The following SGSH variants were observed in gnomAD, a reference collection of about 807,000 sequenced individuals.
The protein encoded by SGSH is N-sulfoglucosamine sulfohydrolase, also known as heparan sulfate sulfatase.
A neutral mutation model predicts 51.0 loss-of-function variants in SGSH; 48 were observed. That is an observed-to-expected ratio of 0.94 (90% confidence interval 0.75 to 1.20). The LOEUF (loss-of-function observed/expected upper bound fraction) is 1.20. Ranked by LOEUF, SGSH falls within the 50% of genes most tolerant of loss-of-function variation. The pLI, the probability that SGSH is intolerant of heterozygous loss-of-function variation, is 0.00. For missense variants in SGSH, 662 were observed against 717.8 expected, an observed-to-expected ratio of 0.92 and a Z score of 0.89; for synonymous variants, 321 against 313.4, an observed-to-expected ratio of 1.02 and a Z score of -0.26.
Position 80,215,068 on chromosome 17 carries a change from A to G in SGSH, c.320T>C (p.Leu107Pro). 1 of 1,612,110 alleles carries G rather than the reference A, an allele frequency of 6.2e-7. No individual in the cohort carries two copies. Residue 107 changes from leucine (L) to proline (P), a missense_variant, in exon 3 of 8, where the codon CTG (leucine) becomes CCG (proline). Transcript: ENST00000326317. ...ACCAGCTTGGCTGAGCAGCAGCGGC[A>G]GGCTCCGCACCTTGTCGAAGGAGTT... ...HFNSFDKVRS[L>P]PLLLSQAGVR...
Position 80,210,121 on chromosome 17 carries a change from G to A in SGSH, c.*331C>T. 1 of 1,214,200 alleles carries A rather than the reference G, an allele frequency of 8.2e-7. No homozygotes were observed. Among genetic ancestry groups the A allele is most frequent in the Non-Finnish European group, 1.0e-6 (1 of 967,800 alleles). 75.2% of individuals were successfully genotyped at this position (1,214,200 alleles called of 1,614,324 possible). On this transcript the variant is annotated 3_prime_UTR_variant, in exon 8 of 8. Coordinates refer to ENST00000326317, the MANE Select transcript of SGSH (RefSeq NM_000199.5). ...CCAAGCCAGAAAACAAGACTCCCTT[G>A]TCATGGGCTGGGGGCGCTGCCCTGT...
chr17:80,201,664 A>T, the SGSH span: 1 of 1,515,268 alleles, frequency 6.6e-7, no homozygotes, highest in Non-Finnish European at 9.1e-7. This position sits in a 1 kb window ranked among gnomAD's most constrained non-coding sequence, Gnocchi z 5.0. Context: ...GCCTCGCCTC[A>T]GTGCCCTCAG....
At chr17:80,214,989 T>C (rs772930237) in intron 3 of SGSH, 44 bp downstream of exon 3, 1 of 1,544,852 alleles carries the variant, frequency 6.5e-7, no homozygotes, top group Non-Finnish European at 8.9e-7. Context: ...TGGCCTGGCC[T>C]CTGTGCCTCA....
chr17:80,204,575 G>A (rs916171738), downstream of SGSH: 1 of 440,262 alleles, frequency 2.3e-6, no homozygotes, highest in Admixed American at 3.7e-5. Context: ...AGTGAGCCGA[G>A]ATGGTGCCAT....
At chr17:80,204,718 C>A, downstream of SGSH, 1 of 407,740 alleles carries the variant, frequency 2.5e-6, no homozygotes, top group Non-Finnish European at 4.4e-6. Context: ...GGGTGCCACT[C>A]TCCCAGATCC....
At chr17:80,203,761 T>A, downstream of SGSH, 1 of 1,371,764 alleles carries the variant, frequency 7.3e-7, no homozygotes, top group Non-Finnish European at 1.0e-6. This position sits in a 1 kb window ranked among gnomAD's most constrained non-coding sequence, Gnocchi z 4.6. Flanking sequence ...TGCTCGGCTC[T>A]CCCCTGCCCT....
chr17:80,207,394 T>C (rs2041388157), downstream of SGSH, among the ~76,000 whole-genome samples: 1 of 152,032 alleles, frequency 6.6e-6, no homozygotes, highest in African/African-American at 2.4e-5. Flanking sequence ...CTATTAAAAA[T>C]ACAAAAACTA....
chr17:80,205,542 C>T, downstream of SGSH: 2 of 1,586,446 alleles, frequency 1.3e-6, no homozygotes, highest in Non-Finnish European at 1.7e-6. Flanking sequence ...GTACTTGAGC[C>T]AGGAGGAGTA....
At chr17:80,208,714 G>A (rs1395246253), downstream of SGSH, 1 of 202,310 alleles carries the variant, frequency 4.9e-6, no homozygotes, top group African/African-American at 2.3e-5. Context: ...TCAAATCTAT[G>A]GGGGCTGCAC....
rs773974826 is a variant in SGSH at position 80,217,249 on chromosome 17, C to T, written c.89-57G>A. 5 of 1,559,926 alleles carry T rather than the reference C, an allele frequency of 3.2e-6. No individual in the cohort carries two copies. In the African/African-American group the frequency reaches 6.7e-5, roughly 21 times the overall value. On this transcript the variant is annotated intron_variant, in intron 1 of 7. Coordinates refer to ENST00000326317, the MANE Select transcript of SGSH (RefSeq NM_000199.5). ...TCGGCTGCGGTCACGAGAAACAGCA[C>T]TGGGAGTGAGGGAGGCTGGGACTGT...
At chr17:80,205,109 G>C, downstream of SGSH, 1 of 1,613,542 alleles carries the variant, frequency 6.2e-7, no homozygotes, top group East Asian at 2.2e-5. Flanking sequence ...CCATCGACCC[G>C]CCCGGCCCCG....
At chr17:80,206,823 C>T (rs116354481), downstream of SGSH, 790 of 457,236 alleles carry the variant, frequency 1.7e-3, 4 homozygotes, top group African/African-American at 0.014. Flanking sequence ...AGCTCTATTC[C>T]CTCATCTCCT....
At chr17:80,215,234 T>C (rs1270203289) in intron 2 of SGSH, 96 bp from the exon 3 acceptor site, 1 of 865,638 alleles carries the variant, frequency 1.2e-6, no homozygotes, top group African/African-American at 1.7e-5. Flanking sequence ...CCAGGGGCCT[T>C]CTCGGGGCCC....
chr17:80,212,235 A>T lies in SGSH; in HGVS notation c.785T>A (p.Val262Asp). 1.9e-6 allele frequency: 3 copies of T among 1,612,894 alleles called. No homozygotes were observed. Among genetic ancestry groups the T allele is most frequent in the Non-Finnish European group, 1.7e-6 (2 of 1,179,804 alleles). ...GAAGATCACCAGTGTGTCGTTCAGGACACCGGCGTCACGCAGCTCCTGGAG... is the reference window on the plus strand; with the variant it reads ...GAAGATCACCAGTGTGTCGTTCAGGTCACCGGCGTCACGCAGCTCCTGGAG... ...LVLQELRDAG[V>D]LNDTLVIFTS... The change falls in exon 7 of 8, where the codon GTC (valine) becomes GAC (aspartate). Residue 262 changes from valine (V) to aspartate (D), a missense_variant. Physicochemically the swap from Val to Asp is radical, Grantham distance 152 (BLOSUM62 -3). Transcript: ENST00000326317. This position sits in a 1 kb window ranked among gnomAD's most constrained non-coding sequence, Gnocchi z 5.9.
downstream of SGSH, chr17:80,203,581 G>A (rs1054517478): frequency 1.3e-5 from 6 of 477,852 alleles, no homozygotes; most frequent in Non-Finnish European, 1.8e-5. The surrounding 1 kb of genome is among the most constrained non-coding windows in gnomAD (Gnocchi z 4.6). Context: ...CCCGCCCCAG[G>A]ACAAGTAAAT....
downstream of SGSH, chr17:80,203,922 T>C: frequency 6.5e-7 from 1 of 1,535,168 alleles, no homozygotes; most frequent in South Asian, 1.2e-5. The surrounding 1 kb of genome is among the most constrained non-coding windows in gnomAD (Gnocchi z 4.6). Context: ...CCCACTGGGG[T>C]GGGCTGGAAG....
chr17:80,208,270 C>G (rs148361622), downstream of SGSH: 1 of 1,595,398 alleles, frequency 6.3e-7, no homozygotes, highest in Admixed American at 1.8e-5. Flanking sequence ...ACCTGGACGG[C>G]CTGCTCAGCT....
intron 2 of SGSH, among the ~76,000 whole-genome samples, chr17:80,216,188 G>A (rs2041884536): frequency 6.6e-6 from 1 of 152,086 alleles, no homozygotes; most frequent in Admixed American, 6.6e-5. Context: ...AATTAGACAG[G>A]CGTGGTGGCG....
At position 80,213,200 on chromosome 17, in the gene SGSH, A is replaced by T. The variant is rs563007216; in HGVS notation, c.745+604T>A. On this transcript the variant is annotated intron_variant, in intron 6 of 7. Coordinates refer to ENST00000326317, the MANE Select transcript of SGSH (RefSeq NM_000199.5). The surrounding 1 kb of genome is among the most constrained non-coding windows in gnomAD (Gnocchi z 4.6). ...CAGAGCAAGACTCAGTCTCAAAAAA[A>T]AAAAAAAAGAAGAAGTGGAGACACA... The T allele has an allele frequency of 1.6e-4, 25 of 152,386 alleles. No homozygotes were observed. The highest frequency in any genetic ancestry group is 5.5e-4 in the African/African-American group (23 of 41,492). 9.4% of individuals were successfully genotyped at this position (152,386 alleles called of 1,614,324 possible). A position where few individuals can be genotyped will look rare whatever the true frequency, so the allele number is the denominator to read the frequency against.
Sources: allele counts gnomAD v4.1 joint callset (sites outside exome capture counted in the v4.1 genomes callset), GRCh38; gene constraint gnomAD v4.1.1; non-coding constraint Gnocchi (gnomAD v3.1); transcripts MANE v1.5; gene names NCBI Gene and HGNC (gene_info 2026-07-23, HGNC 2026-07-21).